The following ARMC1 variants were observed in gnomAD, a reference collection of about 807,000 sequenced individuals.
ARMC1 encodes armadillo repeat containing 1.
In ARMC1, 16 loss-of-function variants were observed where a neutral mutation model predicts 31.4. That is an observed-to-expected ratio of 0.51 (90% CI 0.34 to 0.77). The LOEUF is 0.77. ARMC1 is among the 30% of genes least tolerant of loss of function. The probability of loss-of-function intolerance (pLI) is 0.01; values close to 1 mark genes in which losing one functional copy is unlikely to be tolerated. For synonymous variants in ARMC1, 114 were observed against 118.9 expected, an observed-to-expected ratio of 0.96 and a Z score of 0.27; for missense variants, 259 against 347.5, an observed-to-expected ratio of 0.75 and a Z score of 2.02.
chr8:65,614,949 T>C (rs1414293090), intron 3 of ARMC1, among the ~76,000 whole-genome samples: 1 of 152,214 alleles, frequency 6.6e-6, no homozygotes, highest in African/African-American at 2.4e-5. Context: ...TAATTTTCTA[T>C]TTCTTTTATA....
rs939398403 is a variant in ARMC1 at position 65,620,548 on chromosome 8, G to C, written c.275+1715C>G. 4.0e-5 allele frequency among the ~76,000 whole-genome samples: 6 copies of C among 150,708 alleles called. No homozygotes were observed. In the East Asian group the frequency reaches 1.2e-3, roughly 29 times the overall value. On this transcript the variant is annotated intron_variant, in intron 3 of 6. Coordinates refer to ENST00000276569, the MANE Select transcript of ARMC1 (RefSeq NM_018120.6). ...AACTCCCTACCTCAGGTGATCACCT[G>C]CCTCCCAAAGTGCTGGGATTACAGG... is the stretch of plus-strand genomic sequence containing the variant.
chr8:65,604,810 T>G (rs536966475), intron 6 of ARMC1, among the ~76,000 whole-genome samples: 95 of 152,260 alleles, frequency 6.2e-4, no homozygotes, highest in Non-Finnish European at 1.1e-3. Flanking sequence ...TAATAATGAC[T>G]AAAGCAAGTG....
At chr8:65,606,392 T>G (rs7841652) in intron 4 of ARMC1, among the ~76,000 whole-genome samples, 54,661 of 149,926 alleles carry the variant, frequency 0.36, 10,143 homozygotes, top group East Asian at 0.47. Flanking sequence ...AAAAGAAAAG[T>G]TTTATGATCC....
intron 2 of ARMC1, among the ~76,000 whole-genome samples, chr8:65,625,027 A>G (rs566303148): frequency 1.5e-3 from 230 of 152,348 alleles, no homozygotes; most frequent in Non-Finnish European, 2.7e-3. Flanking sequence ...AGGCTGAGGC[A>G]GGAGAATCGC....
intron 1 of ARMC1, among the ~76,000 whole-genome samples, chr8:65,631,194 T>C (rs1417884050): frequency 4.6e-5 from 7 of 152,188 alleles, no homozygotes; most frequent in Non-Finnish European, 1.0e-4. Flanking sequence ...ATATTCTTGA[T>C]GATAACAAGT....
At chr8:65,623,241 G>T (rs1808432879) in intron 2 of ARMC1, among the ~76,000 whole-genome samples, 1 of 147,116 alleles carries the variant, frequency 6.8e-6, no homozygotes, top group South Asian at 2.2e-4. Flanking sequence ...CGGGGAGGCG[G>T]AGGTTGCAGT....
At position 65,616,970 on chromosome 8, in the gene ARMC1, C is replaced by T. The variant is rs528403257; in HGVS notation, c.276-3537G>A. On this transcript the variant is annotated intron_variant, in intron 3 of 6. Transcript: ENST00000276569. ...CCGTCTGGGAAGTGAGGAGCGTCTCCGCCCGGCAGCCGCCCCATCCAGGAG... is the reference window on the plus strand; with the variant it reads ...CCGTCTGGGAAGTGAGGAGCGTCTCTGCCCGGCAGCCGCCCCATCCAGGAG... Among the ~76,000 whole-genome samples, 910 of 151,276 alleles carry T rather than the reference C, an allele frequency of 6.0e-3. 6 individuals are homozygous for T. The highest frequency in any genetic ancestry group is 0.021 in the African/African-American group (876 of 41,242).
At chr8:65,615,238 CA>C (rs1404731230) in intron 3 of ARMC1, among the ~76,000 whole-genome samples, 1 of 151,912 alleles carries the variant, frequency 6.6e-6, no homozygotes, top group Admixed American at 6.6e-5. Context: ...AGAAAGCTAT[CA>C]AAAGGACTAA....
rs746809340 is a variant in ARMC1 at position 65,622,269 on chromosome 8, A to G, written c.269T>C (p.Ile90Thr). The change falls in exon 3 of 7, where the codon ATA becomes ACA. Residue 90 changes from isoleucine to threonine, a missense_variant. By Grantham distance (89) the Ile-to-Thr change is moderately conservative. Around this residue, in one of 3 missense-constraint regions of ARMC1, gnomAD observed 163 missense variants for 186.7 expected, o/e 0.87. Coordinates refer to ENST00000276569, the MANE Select transcript of ARMC1 (RefSeq NM_018120.6). The part of the protein sequence containing the change: ...LGMMLSLQNV[I>T]QKTTTPGETK... ...CACTGTCTATTGTACTTACTTCTGT[A>G]TAACATTTTGTAAGCTCAACATCAT... 4.5e-5 allele frequency: 73 copies of G among 1,610,682 alleles called. No homozygotes were observed. The Admixed American group carries it at 1.1e-3, about 23-fold the overall frequency.
chr8:65,624,498 C>CAAAAAAAAAAAAAAAAAAA (rs538324950), intron 2 of ARMC1, among the ~76,000 whole-genome samples: 8 of 95,342 alleles, frequency 8.4e-5, no homozygotes, highest in South Asian at 4.7e-4. Context: ...GACTCCATCT[C>CAAAAAAAAAAAAAAAAAAA]AAAAAAAAAA....
chr8:65,602,562 G>A lies in ARMC1; in HGVS notation c.*1832C>T, dbSNP rs1048507349. The stretch of plus-strand genomic sequence containing the variant: ...ACTACTCTATATGATCTGGAATAAA[G>A]AACTCTTAGAATTAGAACACACAAA... On this transcript the variant is annotated 3_prime_UTR_variant, in exon 7 of 7. Transcript: ENST00000276569. 1.3e-5 allele frequency: 2 copies of A among 152,114 alleles called. No individual in the cohort carries two copies. Among genetic ancestry groups the A allele is most frequent in the East Asian group, 3.8e-4 (2 of 5,198 alleles). The allele number at this position is 152,114 out of a possible 1,614,324, so 9.4% of individuals were successfully genotyped here.
chr8:65,632,780 C>G (rs1229056487), intron 1 of ARMC1: 1 of 151,860 alleles, frequency 6.6e-6, no homozygotes, highest in African/African-American at 2.4e-5. Flanking sequence ...GAGCCGGGAT[C>G]GCATCACTGA....
At chr8:65,605,373 A>G (rs1361788342) in intron 5 of ARMC1, 36 bp from the exon 6 acceptor site, 1 of 1,612,866 alleles carries the variant, frequency 6.2e-7, no homozygotes, top group Admixed American at 1.7e-5. Context: ...TTTGAAATTG[A>G]TTTGTTTACC....
chr8:65,619,452 C>T (rs749908665), intron 3 of ARMC1, among the ~76,000 whole-genome samples: 13 of 151,962 alleles, frequency 8.6e-5, no homozygotes, highest in South Asian at 4.2e-4. Flanking sequence ...ACAGGAGAAT[C>T]GCTTGAAACC....
At chr8:65,631,739 G>T (rs1358077979) in intron 1 of ARMC1, among the ~76,000 whole-genome samples, 4 of 152,158 alleles carry the variant, frequency 2.6e-5, no homozygotes, top group Non-Finnish European at 4.4e-5. Context: ...TGATAAAAAT[G>T]TCCGCCTTTG....
intron 3 of ARMC1, among the ~76,000 whole-genome samples, chr8:65,616,722 G>A (rs142002471): frequency 6.6e-6 from 1 of 151,412 alleles, no homozygotes; most frequent in East Asian, 1.9e-4. Flanking sequence ...AGTCTGAGAT[G>A]TGGGGAGCGC....
Position 65,622,402 on chromosome 8 carries a change from A to C in ARMC1, c.184-48T>G, listed in dbSNP as rs756546117. On this transcript the variant is annotated intron_variant, in intron 2 of 6. Coordinates refer to ENST00000276569, the MANE Select transcript of ARMC1 (RefSeq NM_018120.6). ...TTAATTCGTCTGTCCAGACTATTCA[A>C]AATTGAAACTACTACTAATTTACTG... The C allele has an allele frequency of 9.6e-5, 138 of 1,431,918 alleles. 1 individual carries two copies. In the Middle Eastern group the frequency reaches 0.012, roughly 125 times the overall value. 88.7% of individuals were successfully genotyped at this position (1,431,918 alleles called of 1,614,324 possible).
rs1215479655 is a variant in ARMC1, at chr8:65,624,394, G to C, written c.184-2040C>G. On this transcript the variant is annotated intron_variant, in intron 2 of 6. Coordinates refer to ENST00000276569, the MANE Select transcript of ARMC1 (RefSeq NM_018120.6). ...TGCACCTGTAATCTCAGCTGCTAGG[G>C]AGGCTGAGGCAGAAGAATCATTTGA... Among the ~76,000 whole-genome samples the C allele has an allele frequency of 3.4e-5, 5 of 148,412 alleles. No homozygotes were observed. The South Asian group carries it at 1.1e-3, about 31-fold the overall frequency.
chr8:65,630,860 G>A (rs1190066781), intron 1 of ARMC1, among the ~76,000 whole-genome samples: 2 of 152,016 alleles, frequency 1.3e-5, no homozygotes, highest in Non-Finnish European at 2.9e-5. Flanking sequence ...TCTTCAAAGA[G>A]CACTGATAAG....
Sources: allele counts gnomAD v4.1 joint callset (sites outside exome capture counted in the v4.1 genomes callset), GRCh38; gene constraint gnomAD v4.1.1; regional missense constraint gnomAD v4.1.1; transcripts MANE v1.5; gene names NCBI Gene and HGNC (gene_info 2026-07-23, HGNC 2026-07-21).